ZNF559: variants seen among roughly 807,000 people sequenced by gnomAD.
ZNF559 encodes the protein zinc finger protein 559.
ZNF559 carries 17 observed loss-of-function variants against 14.2 expected under a neutral mutation model. The observed-to-expected ratio is 1.20, with a 90% confidence interval of 0.82 to 1.80. The LOEUF (loss-of-function observed/expected upper bound fraction) is 1.80, where lower values mean the gene tolerates loss of function less well. Ranked by LOEUF, ZNF559 falls within the 40% of genes most tolerant of loss-of-function variation. The pLI is 0.00. For missense variants in ZNF559, 740 were observed against 629.7 expected (o/e 1.18, Z -1.88); for synonymous variants, 244 against 212.4 (o/e 1.15, Z -1.29).
chr19:9,331,701 C>A (rs1237529510), intron 2 of ZNF559, among the ~76,000 whole-genome samples: 1 of 152,122 alleles, frequency 6.6e-6, no homozygotes, highest in Non-Finnish European at 1.5e-5. Flanking sequence ...GTTTGTGCTC[C>A]TCTAGGGTTG....
intron 2 of ZNF559, among the ~76,000 whole-genome samples, chr19:9,327,438 G>C (rs1030314969): frequency 2.6e-5 from 4 of 152,192 alleles, no homozygotes; most frequent in Admixed American, 6.5e-5. Flanking sequence ...AGTAGAGAAG[G>C]GGTTTCACCC....
At position 9,343,137 on chromosome 19, in the gene ZNF559, A is replaced by G. The variant is rs1289744934; in HGVS notation, c.*69A>G. On this transcript the variant is annotated 3_prime_UTR_variant, in exon 7 of 7. Coordinates refer to ENST00000603380, the MANE Select transcript of ZNF559 (RefSeq NM_032497.3). ...CCTCACACTTACTGAACATGTACTC[A>G]TTCATAGTGGCAATGTACACAGTCA... 1 of 1,539,990 alleles carries G rather than the reference A, an allele frequency of 6.5e-7. No homozygotes were observed.
Position 9,342,455 on chromosome 19 carries a change from C to T in ZNF559, c.1004C>T (p.Thr335Ile). 6.2e-7 allele frequency: 1 copy of T among 1,613,902 alleles called. No homozygotes were observed. Among genetic ancestry groups the T allele is most frequent in the Non-Finnish European group, 8.5e-7 (1 of 1,179,978 alleles). ...TGCAACAAATGTGGGAAAGCCTTCACTGATTCATCAGGTCTTATAAAACAC... is the reference window on the plus strand; with the variant it reads ...TGCAACAAATGTGGGAAAGCCTTCATTGATTCATCAGGTCTTATAAAACAC... The part of the protein sequence containing the change: ...YECNKCGKAF[T>I]DSSGLIKHRR... Residue 335 changes from threonine to isoleucine, a missense_variant, in exon 7 of 7, where the codon ACT (threonine) becomes ATT (isoleucine). Coordinates refer to ENST00000603380, the MANE Select transcript of ZNF559 (RefSeq NM_032497.3).
At chr19:9,324,629 C>A (rs868324998) in intron 1 of ZNF559, 66 bp from the exon 2 acceptor site, 5 of 863,626 alleles carry the variant, frequency 5.8e-6, no homozygotes, top group East Asian at 3.1e-5. Context: ...CCCCCCCCCC[C>A]AACCATCTCT....
In ZNF559 at chr19:9,342,017, A is replaced by C; in HGVS notation, c.566A>C (p.Asp189Ala). The change falls in exon 7 of 7, where the codon GAC becomes GCC. Residue 189 changes from aspartate to alanine, a missense_variant. By Grantham distance (126) the Asp-to-Ala change is moderately radical. Coordinates refer to ENST00000603380, the MANE Select transcript of ZNF559 (RefSeq NM_032497.3). ...HTQEKPYKCS[D>A]CEKGLPSSSH... Reference sequence around the variant, plus strand: ...CAAGAGAAACCATATAAATGCAGTGACTGTGAAAAAGGCTTACCTTCCTCC... The same window carrying C: ...CAAGAGAAACCATATAAATGCAGTGCCTGTGAAAAAGGCTTACCTTCCTCC... 6.2e-7 allele frequency: 1 copy of C among 1,610,728 alleles called. No individual in the cohort carries two copies.
chr19:9,341,042 A>C (rs1364335473), intron 5 of ZNF559, 60 bp from the exon 6 acceptor site: 1 of 1,369,448 alleles, frequency 7.3e-7, no homozygotes, highest in Non-Finnish European at 1.0e-6. Flanking sequence ...TGCATTTTTA[A>C]CACCCTTTTT....
rs767835803 is a variant in ZNF559, at chr19:9,342,093, T to G, written c.642T>G (p.Thr214=). The part of the protein sequence containing the change: ...VRIYGGERPY[T]HKEYVETFSH... ...TTTATGGTGGAGAGAGACCATATAC[T>G]CATAAGGAGTATGTCGAAACCTTTT... Residue 214 remains threonine (T), a synonymous_variant, in exon 7 of 7, where the codon ACT becomes ACG. Transcript: ENST00000603380. 6.2e-7 allele frequency: 1 copy of G among 1,613,250 alleles called. No individual in the cohort carries two copies. The highest frequency in any genetic ancestry group is 1.3e-5 in the African/African-American group (1 of 75,010).
At chr19:9,324,025 C>A, upstream of ZNF559, 2 of 826,334 alleles carry the variant, frequency 2.4e-6, no homozygotes, top group Non-Finnish European at 3.7e-6. Context: ...AGACCCCCTA[C>A]CGGTGACACT....
In ZNF559 at chr19:9,343,106, C is replaced by G. The variant is rs1423514384; in HGVS notation, c.*38C>G. On this transcript the variant is annotated 3_prime_UTR_variant, in exon 7 of 7. Coordinates refer to ENST00000603380, the MANE Select transcript of ZNF559 (RefSeq NM_032497.3). The stretch of plus-strand genomic sequence containing the variant: ...ACTTGGAAAGAATGTGGTAAAGCCA[C>G]TACTTCCTCACACTTACTGAACATG... 2 of 1,575,006 alleles carry G rather than the reference C, an allele frequency of 1.3e-6. No homozygotes were observed. Among genetic ancestry groups the G allele is most frequent in the South Asian group, 2.4e-5 (2 of 84,370 alleles).
rs528251537 is a variant in ZNF559, at chr19:9,340,628, G to A, written c.161-474G>A. 1.8e-4 allele frequency among the ~76,000 whole-genome samples: 27 copies of A among 147,698 alleles called. 1 individual carries two copies. Among genetic ancestry groups the A allele is most frequent in the Middle Eastern group, 3.5e-3 (1 of 282 alleles). On this transcript the variant is annotated intron_variant, in intron 5 of 6. Coordinates refer to ENST00000603380, the MANE Select transcript of ZNF559 (RefSeq NM_032497.3). ...TATCGCCAGGCTGAAATGCAGTGGCGCGATCTCAGCTCACTGCAACCTCTG... is the reference window on the plus strand; with the variant it reads ...TATCGCCAGGCTGAAATGCAGTGGCACGATCTCAGCTCACTGCAACCTCTG...
chr19:9,337,935 CGAA>C (rs1261615796), intron 3 of ZNF559, 77 bp downstream of exon 3: 22 of 1,535,666 alleles, frequency 1.4e-5, no homozygotes, highest in Non-Finnish European at 1.4e-5. Context: ...GACAGTGTCT[CGAA>C]GAGACTTTGG....
At chr19:9,328,164 T>C (rs1049801350) in intron 2 of ZNF559, among the ~76,000 whole-genome samples, 8 of 152,140 alleles carry the variant, frequency 5.3e-5, no homozygotes, top group Non-Finnish European at 1.2e-4. Flanking sequence ...GACACTGATA[T>C]ATTATTTGTT....
rs1364152661 is a variant in ZNF559 at position 9,343,047 on chromosome 19, A to AT, written c.1597dup (p.Cys533LeufsTer4). ...GTGGGCAAACCTTTAGTAATTCCTC[A>AT]TGCCTTACTGAATGTGTGTGAATTG... On this transcript the variant is annotated frameshift_variant, in exon 7 of 7. Transcript: ENST00000603380. LOFTEE classifies it low-confidence loss of function (END_TRUNC). 6.2e-7 allele frequency: 1 copy of AT among 1,612,148 alleles called. No homozygotes were observed. Among genetic ancestry groups the AT allele is most frequent in the South Asian group, 1.1e-5 (1 of 90,926 alleles).
chr19:9,343,701 C>T lies in ZNF559; in HGVS notation c.*633C>T. The stretch of plus-strand genomic sequence containing the variant: ...GGAAACATCCACACTGAAGAGGAAC[C>T]TGACTGTATGGAAGGTCAAAAAGGC... On this transcript the variant is annotated 3_prime_UTR_variant, in exon 7 of 7. Coordinates refer to ENST00000603380, the MANE Select transcript of ZNF559 (RefSeq NM_032497.3). 1.0e-6 allele frequency: 1 copy of T among 986,906 alleles called. No homozygotes were observed. The highest frequency in any genetic ancestry group is 1.2e-6 in the Non-Finnish European group (1 of 830,988). 61.1% of individuals were successfully genotyped at this position (986,906 alleles called of 1,614,324 possible).
chr19:9,332,585 G>T (rs1223353548), intron 2 of ZNF559, among the ~76,000 whole-genome samples: 1 of 152,008 alleles, frequency 6.6e-6, no homozygotes, highest in African/African-American at 2.4e-5. Flanking sequence ...GATATACTAT[G>T]GTCTAATATT....
In ZNF559 at chr19:9,324,713, C is replaced by T. The variant is rs751446437; in HGVS notation, c.-187C>T. 67 of 1,535,376 alleles carry T rather than the reference C, an allele frequency of 4.4e-5. No homozygotes were observed. The African/African-American group carries it at 4.7e-4, about 11-fold the overall frequency. On this transcript the variant is annotated 5_prime_UTR_variant, in exon 2 of 7. Transcript: ENST00000603380. ...CTATAAGGAACAGCATCTCTGCCTT[C>T]CTGTTCACGGTGACCTTCGCTTGGT...
At position 9,338,581 on chromosome 19, in the gene ZNF559, A is replaced by G. The variant is rs2122192377; in HGVS notation, c.32A>G (p.Gln11Arg). ...GCTGGGTGGTTGACAAATTACTCTC[A>G]GGTAAGTAGGAAATTGCTTTTTCTG... MVAGWLTNYS[Q>R]DSVTFEDVAV... is the part of the protein sequence containing the mutation. The change falls in exon 4 of 7, where the codon CAG (glutamine) becomes CGG (arginine). Residue 11 changes from glutamine (Q) to arginine (R), a missense_variant and splice_region_variant. Transcript: ENST00000603380. 6.2e-7 allele frequency: 1 copy of G among 1,612,374 alleles called. No homozygotes were observed. The highest frequency in any genetic ancestry group is 8.5e-7 in the Non-Finnish European group (1 of 1,178,498).
At chr19:9,329,436 G>T (rs1383833583) in intron 2 of ZNF559, among the ~76,000 whole-genome samples, 1 of 152,100 alleles carries the variant, frequency 6.6e-6, no homozygotes, top group African/African-American at 2.4e-5. Context: ...TGGTGTATAT[G>T]TACTTAAAAC....
At chr19:9,331,762 C>T (rs1319213232) in intron 2 of ZNF559, among the ~76,000 whole-genome samples, 1 of 152,056 alleles carries the variant, frequency 6.6e-6, no homozygotes, top group Non-Finnish European at 1.5e-5. Flanking sequence ...ATTTTGGTTC[C>T]AGTATTGTTA....
Sources: gnomAD v4.1 joint callset for allele counts (sites outside exome capture counted in the v4.1 genomes callset) on GRCh38, gnomAD v4.1.1 for gene constraint, MANE v1.5 for transcripts, NCBI Gene and HGNC (gene_info 2026-07-23, HGNC 2026-07-21) for gene names.